Variants in MIER2 observed in about 807,000 individuals in gnomAD.
The protein encoded by MIER2 is MIER family member 2.
In MIER2, 30 loss-of-function variants were observed where a neutral mutation model predicts 67.6. That is an observed-to-expected ratio of 0.44 (90% CI 0.33 to 0.60). The LOEUF (loss-of-function observed/expected upper bound fraction) is 0.60. MIER2 is among the 20% of genes least tolerant of loss of function. The probability of loss-of-function intolerance (pLI) is 0.02; values close to 1 mark genes in which losing one functional copy is unlikely to be tolerated. For synonymous variants in MIER2, 372 were observed against 312.6 expected (o/e 1.19, Z -2.00); for missense variants, 702 against 745.1 (o/e 0.94, Z 0.67).
intron 2 of MIER2, among the ~76,000 whole-genome samples, chr19:334,893 C>A (rs1212500368): frequency 6.6e-6 from 1 of 152,130 alleles, no homozygotes; most frequent in Non-Finnish European, 1.5e-5. Flanking sequence ...AGGACTCAGT[C>A]GAGGTGGGTT....
intron 1 of MIER2, among the ~76,000 whole-genome samples, chr19:338,402 A>C (rs1972360431): frequency 6.7e-6 from 1 of 149,044 alleles, no homozygotes; most frequent in South Asian, 2.1e-4. Context: ...AAATGTGTAC[A>C]GTACTCTGAG....
At position 327,269 on chromosome 19, in the gene MIER2, A is replaced by T; in HGVS notation, c.370-13T>A. ...TCGCTATTTGTTCCTTTAAAAAAAA[A>T]AAAAAAAGTAAAGAACATTTTACAG... On this transcript the variant is annotated splice_polypyrimidine_tract_variant and intron_variant, in intron 4 of 13. Coordinates refer to ENST00000264819, the MANE Select transcript of MIER2 (RefSeq NM_017550.3). 6.3e-7 allele frequency: 1 copy of T among 1,575,658 alleles called. No homozygotes were observed. The highest frequency in any genetic ancestry group is 2.2e-5 in the East Asian group (1 of 44,480).
chr19:329,884 A>C (rs1028300926), intron 3 of MIER2, among the ~76,000 whole-genome samples: 34 of 151,706 alleles, frequency 2.2e-4, no homozygotes, highest in African/African-American at 7.5e-4. Context: ...AAAAAAAAAA[A>C]AAAGAAGATG....
chr19:326,664 T>C, intron 5 of MIER2, 66 bp from the exon 6 acceptor site: 1 of 1,252,104 alleles, frequency 8.0e-7, no homozygotes, highest in Non-Finnish European at 1.2e-6. Context: ...ACCCCTTCTC[T>C]CCACTCCCAT....
intron 3 of MIER2, among the ~76,000 whole-genome samples, chr19:332,822 TA>T (rs1459508672): frequency 3.2e-5 from 1 of 30,872 alleles, no homozygotes; most frequent in African/African-American, 2.0e-4. Flanking sequence ...TAATTTTTTT[TA>T]ATTTTTTTTT....
chr19:312,022 TCAGCGGCGCCC>T, intron 9 of MIER2, 83 bp from the exon 10 acceptor site: 2 of 1,097,940 alleles, frequency 1.8e-6, no homozygotes, highest in South Asian at 3.9e-5. Context: ...GGGAGAACAG[TCAGCGGCGCCC>T]AGGGCGGGGC....
At position 307,557 on chromosome 19, in the gene MIER2, G is replaced by A. The variant is rs751240347; in HGVS notation, c.1199-21C>T. ...TGGATCTGTGAAAGAGAACGCAACA[G>A]AGGGTGGGGCCTGCCCACAGCCGCG... On this transcript the variant is annotated intron_variant, in intron 12 of 13. Coordinates refer to ENST00000264819, the MANE Select transcript of MIER2 (RefSeq NM_017550.3). The A allele has an allele frequency of 3.1e-5, 46 of 1,491,250 alleles. 1 individual carries two copies. The highest frequency in any genetic ancestry group is 1.5e-4 in the South Asian group (11 of 73,210). 92.4% of individuals were successfully genotyped at this position (1,491,250 alleles called of 1,614,324 possible).
chr19:309,624 A>G (rs1392574397), intron 10 of MIER2, among the ~76,000 whole-genome samples: 2 of 135,586 alleles, frequency 1.5e-5, no homozygotes, highest in Admixed American at 7.5e-5. Flanking sequence ...AGGGACACAC[A>G]CACGCACACA....
chr19:326,554 A>C lies in MIER2; in HGVS notation c.538T>G (p.Ser180Ala), dbSNP rs1568230275. Residue 180 changes from serine to alanine, a missense_variant, in exon 6 of 14, where the codon TCC (serine) becomes GCC (alanine). Transcript: ENST00000264819. ...AGAGAGTCCTCCTCGGTGTCGGAGG[A>C]GGCAGAAGAGCCAGGCTCTCTGTCT... Reference protein sequence around the residue: ...DEDREPGSSASSDTEEDSLPA... With the variant: ...DEDREPGSSAASDTEEDSLPA... The C allele has an allele frequency of 1.2e-6, 2 of 1,614,064 alleles. No individual in the cohort carries two copies. The highest frequency in any genetic ancestry group is 1.1e-5 in the South Asian group (1 of 91,082).
chr19:312,418 G>A (rs923926323), intron 8 of MIER2, 146 bp from the exon 9 acceptor site: 24 of 655,422 alleles, frequency 3.7e-5, no homozygotes, highest in Non-Finnish European at 5.6e-5. Flanking sequence ...TCTATCCAGG[G>A]AGTGACATCA....
At chr19:313,675 A>C in intron 7 of MIER2, 32 bp from the exon 8 acceptor site, 1 of 1,599,016 alleles carries the variant, frequency 6.3e-7, no homozygotes, top group African/African-American at 1.3e-5. Flanking sequence ...GTCAGCTTGC[A>C]GGAACCCAAT....
chr19:320,905 A>G (rs1269688172), intron 7 of MIER2, among the ~76,000 whole-genome samples: 1 of 152,176 alleles, frequency 6.6e-6, no homozygotes, highest in Non-Finnish European at 1.5e-5. Flanking sequence ...TTTTCTCTGA[A>G]AGGGACATCA....
chr19:327,371 C>T, intron 4 of MIER2, 115 bp from the exon 5 acceptor site: 3 of 1,300,374 alleles, frequency 2.3e-6, no homozygotes, highest in Non-Finnish European at 3.2e-6. Context: ...CATGGGGCTG[C>T]TATTCCCATT....
Position 306,474 on chromosome 19 carries a change from G to A in MIER2, c.*216C>T, listed in dbSNP as rs1262483062. On this transcript the variant is annotated 3_prime_UTR_variant, in exon 14 of 14. Coordinates refer to ENST00000264819, the MANE Select transcript of MIER2 (RefSeq NM_017550.3). The stretch of plus-strand genomic sequence containing the variant: ...GACCCGGGTGGCAGTGCCGGGCGCT[G>A]ACGGCGCTGGGTGGGGCCGTGGGTC... 4.5e-6 allele frequency: 3 copies of A among 665,998 alleles called. No individual in the cohort carries two copies. Among genetic ancestry groups the A allele is most frequent in the African/African-American group, 3.6e-5 (2 of 54,940 alleles). 41.3% of individuals were successfully genotyped at this position (665,998 alleles called of 1,614,324 possible). A position where few individuals can be genotyped will look rare whatever the true frequency, so the allele number is the denominator to read the frequency against.
chr19:306,875 G>A (rs1970675677), intron 13 of MIER2, among the ~76,000 whole-genome samples, 164 bp from the exon 14 acceptor site: 1 of 152,240 alleles, frequency 6.6e-6, no homozygotes, highest in South Asian at 2.1e-4. Context: ...GGCTGGAGCA[G>A]GGGTGGGACA....
In MIER2 at chr19:308,870, G is replaced by A. The variant is rs1946586637; in HGVS notation, c.1040C>T (p.Ser347Leu). ...CTGGGCGAAGTAGTCGTAGCGCTCC[G>A]ACTTCTTCCACAGGTAGTAGTACTC... The part of the protein sequence containing the change: ...CVEYYYLWKK[S>L]ERYDYFAQQT... Residue 347 changes from serine (S) to leucine (L), a missense_variant, in exon 11 of 14, where the codon TCG (serine) becomes TTG (leucine). Physicochemically the swap from Ser to Leu is moderately radical, Grantham distance 145 (BLOSUM62 -2). Coordinates refer to ENST00000264819, the MANE Select transcript of MIER2 (RefSeq NM_017550.3). The surrounding 1 kb of genome is among the most constrained non-coding windows in gnomAD (Gnocchi z 9.1). 2.5e-6 allele frequency: 4 copies of A among 1,611,556 alleles called. No homozygotes were observed. The highest frequency in any genetic ancestry group is 1.7e-5 in the Admixed American group (1 of 59,988).
At chr19:314,245 C>T (rs745358244) in intron 7 of MIER2, among the ~76,000 whole-genome samples, 2 of 152,160 alleles carry the variant, frequency 1.3e-5, no homozygotes, top group Non-Finnish European at 2.9e-5. Flanking sequence ...ACATCCTGCC[C>T]CCGGTAGCTG....
In MIER2 at chr19:309,674, A is replaced by G. The variant is rs200944651; in HGVS notation, c.985-749T>C. On this transcript the variant is annotated intron_variant, in intron 10 of 13. Coordinates refer to ENST00000264819, the MANE Select transcript of MIER2 (RefSeq NM_017550.3). ...CGAGAAGGGACACACACACACACAC[A>G]CACACAAGGCTTCAGGGAGACGAGA... 9.8e-4 allele frequency among the ~76,000 whole-genome samples: 96 copies of G among 97,896 alleles called. 3 individuals are homozygous for G. Among genetic ancestry groups the G allele is most frequent in the African/African-American group, 2.0e-3 (35 of 17,762 alleles). 64.2% of individuals were successfully genotyped at this position (97,896 alleles called of 152,430 possible). A position where few individuals can be genotyped will look rare whatever the true frequency, so the allele number is the denominator to read the frequency against.
At chr19:314,443 A>G (rs769080171) in intron 7 of MIER2, among the ~76,000 whole-genome samples, 2 of 152,244 alleles carry the variant, frequency 1.3e-5, no homozygotes, top group Non-Finnish European at 2.9e-5. Context: ...TATCCAGGAA[A>G]GAGGCACAGG....
Sources: allele counts gnomAD v4.1 joint callset (sites outside exome capture counted in the v4.1 genomes callset), GRCh38; gene constraint gnomAD v4.1.1; non-coding constraint Gnocchi (gnomAD v3.1); transcripts MANE v1.5; gene names NCBI Gene and HGNC (gene_info 2026-07-23, HGNC 2026-07-21).